MYH9: variants seen among roughly 807,000 people sequenced by gnomAD.
MYH9 encodes myosin-9.
MYH9 carries 29 observed loss-of-function variants against 241.9 expected under a neutral mutation model. That is an observed-to-expected ratio of 0.12 (90% CI 0.09 to 0.16). The LOEUF is 0.16. MYH9 is among the 10% of genes least tolerant of loss of function. The pLI, the probability that MYH9 is intolerant of heterozygous loss-of-function variation, is 1.00. For missense variants in MYH9, 1,803 were observed against 2,595.5 expected, an observed-to-expected ratio of 0.69 and a Z score of 6.63; for synonymous variants, 1,047 against 1,062.6, an observed-to-expected ratio of 0.99 and a Z score of 0.29.
At chr22:36,314,528 C>T (rs2017119552) in intron 12 of MYH9, among the ~76,000 whole-genome samples, 1 of 152,168 alleles carries the variant, frequency 6.6e-6, no homozygotes, top group Non-Finnish European at 1.5e-5. Context: ...TGACCGCGGG[C>T]AGTCTGGTAA....
chr22:36,376,234 T>C (rs2018165174), intron 1 of MYH9, among the ~76,000 whole-genome samples: 1 of 152,166 alleles, frequency 6.6e-6, no homozygotes, highest in African/African-American at 2.4e-5. Flanking sequence ...ATGCTGGGAT[T>C]ACAGGCGTGA....
In MYH9 at chr22:36,319,533, G is replaced by A. The variant is rs757663815; in HGVS notation, c.1108+7C>T. The A allele has an allele frequency of 8.7e-6, 14 of 1,613,832 alleles. No individual in the cohort carries two copies. The East Asian group carries it at 2.9e-4, about 33-fold the overall frequency. The stretch of plus-strand genomic sequence containing the variant: ...CATTATTTCCAGCGAGAGGCCCCGG[G>A]TGTTACCTGTGTTGTCGGGCATGGA... On this transcript the variant is annotated splice_region_variant and intron_variant, in intron 10 of 40. Coordinates refer to ENST00000216181, the MANE Select transcript of MYH9 (RefSeq NM_002473.6).
Position 36,298,951 on chromosome 22 carries a change from T to C in MYH9, c.3068A>G (p.Asn1023Ser), listed in dbSNP as rs762311512. The change falls in exon 24 of 41, where the codon AAC becomes AGC. Residue 1023 changes from asparagine (N) to serine (S), a missense_variant. Asn to Ser is a conservative substitution (Grantham distance 46, BLOSUM62 1). This residue lies in a region of MYH9 where 290 missense variants were observed against 360.5 expected (regional missense o/e 0.80). Transcript: ENST00000216181. ...GTCAGTGATCATTGCCTCATGCTTGTTCTTGAGCTTGGCGAGGCTCTTAGA... is the reference window on the plus strand; with the variant it reads ...GTCAGTGATCATTGCCTCATGCTTGCTCTTGAGCTTGGCGAGGCTCTTAGA... ...EKSKSLAKLK[N>S]KHEAMITDLE... The C allele has an allele frequency of 3.7e-6, 6 of 1,614,000 alleles. No homozygotes were observed. In the East Asian group the frequency reaches 8.9e-5, roughly 24 times the overall value.
intron 1 of MYH9, among the ~76,000 whole-genome samples, chr22:36,354,970 C>CACACACACACAT (rs1311833278): frequency 1.3e-5 from 2 of 150,274 alleles, no homozygotes; most frequent in African/African-American, 2.4e-5. Context: ...CACACACACA[C>CACACACACACAT]ACACACACAC....
intron 27 of MYH9, 140 bp downstream of exon 27, chr22:36,294,792 G>A: frequency 1.8e-6 from 2 of 1,095,500 alleles, no homozygotes; most frequent in Middle Eastern, 3.0e-4. Context: ...GAGTCACAAA[G>A]CCCCTTAGAA....
At chr22:36,344,843 C>T (rs963168837) in intron 2 of MYH9, among the ~76,000 whole-genome samples, 1 of 152,212 alleles carries the variant, frequency 6.6e-6, no homozygotes, top group African/African-American at 2.4e-5. Flanking sequence ...GGCTCAGGTG[C>T]TCCACTTGTT....
Position 36,306,671 on chromosome 22 carries a change from G to A in MYH9, c.1844-64C>T, listed in dbSNP as rs1371835519. 2.0e-5 allele frequency: 29 copies of A among 1,483,634 alleles called. No homozygotes were observed. The highest frequency in any genetic ancestry group is 7.0e-5 in the South Asian group (6 of 86,048). 91.9% of individuals were successfully genotyped at this position (1,483,634 alleles called of 1,614,324 possible). A position where few individuals can be genotyped will look rare whatever the true frequency, so the allele number is the denominator to read the frequency against. ...TTGCAGCTGGGTGGTGGGGGAGCAC[G>A]TAGGAGAGAGAGACAGGCACACGTC... On this transcript the variant is annotated intron_variant, in intron 15 of 40. Coordinates refer to ENST00000216181, the MANE Select transcript of MYH9 (RefSeq NM_002473.6). The surrounding 1 kb of genome is among the most constrained non-coding windows in gnomAD (Gnocchi z 4.1).
Position 36,305,790 on chromosome 22 carries a change from G to A in MYH9, c.2159+140C>T, listed in dbSNP as rs2016958772. The A allele has an allele frequency of 9.0e-6, 11 of 1,228,870 alleles. No homozygotes were observed. Among genetic ancestry groups the A allele is most frequent in the Non-Finnish European group, 1.3e-5 (11 of 845,458 alleles). 76.1% of individuals were successfully genotyped at this position (1,228,870 alleles called of 1,614,324 possible). ...GGAAAAGAGAAGGAGGTGGGGAAGAGCTGGCCAGACTCAGTTCTACATGGA... is the reference window on the plus strand; with the variant it reads ...GGAAAAGAGAAGGAGGTGGGGAAGAACTGGCCAGACTCAGTTCTACATGGA... On this transcript the variant is annotated intron_variant, in intron 17 of 40. Transcript: ENST00000216181. The surrounding 1 kb of genome is among the most constrained non-coding windows in gnomAD (Gnocchi z 4.7).
intron 12 of MYH9, among the ~76,000 whole-genome samples, chr22:36,316,237 TTGGTCAGGC>T (rs2017148862): frequency 6.6e-6 from 1 of 151,562 alleles, no homozygotes; most frequent in African/African-American, 2.4e-5. Context: ...TTTCTCCATG[TTGGTCAGGC>T]TGGTCTCAAA....
intron 13 of MYH9, among the ~76,000 whole-genome samples, chr22:36,313,922 C>T (rs902466724): frequency 5.9e-5 from 9 of 152,204 alleles, no homozygotes; most frequent in Non-Finnish European, 7.3e-5. Flanking sequence ...CTGGGAAAAG[C>T]CCAGCCCACA....
chr22:36,299,687 A>C lies in MYH9; in HGVS notation c.2976+440T>G, dbSNP rs921543845. Among the ~76,000 whole-genome samples the C allele has an allele frequency of 7.9e-5, 12 of 152,254 alleles. No homozygotes were observed. The South Asian group carries it at 1.9e-3, about 24-fold the overall frequency. The stretch of plus-strand genomic sequence containing the variant: ...TCCTCTAACTGGTTCCCCGGCTGCT[A>C]TCTGCTCCCTGGGCAGACACCGACA... On this transcript the variant is annotated intron_variant, in intron 23 of 40. Transcript: ENST00000216181.
Position 36,304,148 on chromosome 22 carries a change from G to A in MYH9, c.2237C>T (p.Ala746Val), listed in dbSNP as rs1472400866. 1 of 1,613,342 alleles carries A rather than the reference G, an allele frequency of 6.2e-7. No individual in the cohort carries two copies. Among genetic ancestry groups the A allele is most frequent in the Non-Finnish European group, 8.5e-7 (1 of 1,180,004 alleles). ...GTACAGATTGCTGTCGAGCTCCAGG[G>A]CTTTTATCTAGGTGGGAGGAGCAGG... ...GKQACVLMIK[A>V]LELDSNLYRI... The change falls in exon 19 of 41, where the codon GCC (alanine) becomes GTC (valine). Residue 746 changes from alanine (A) to valine (V), a missense_variant. Ala to Val is a moderately conservative substitution (Grantham distance 64). Around this residue, in one of 11 missense-constraint regions of MYH9, gnomAD observed 163 missense variants for 349.7 expected, o/e 0.47. Coordinates refer to ENST00000216181, the MANE Select transcript of MYH9 (RefSeq NM_002473.6).
At chr22:36,332,830 T>G (rs939292396) in intron 3 of MYH9, among the ~76,000 whole-genome samples, 2 of 152,030 alleles carry the variant, frequency 1.3e-5, no homozygotes, top group African/African-American at 4.8e-5. Flanking sequence ...GCACTGCTGT[T>G]TCTGTGGGTG....
At chr22:36,319,466 A>G in intron 10 of MYH9, 74 bp downstream of exon 10, 1 of 1,403,168 alleles carries the variant, frequency 7.1e-7, no homozygotes. Flanking sequence ...AATTTCCGCA[A>G]GACCTTCCCT....
intron 1 of MYH9, among the ~76,000 whole-genome samples, chr22:36,377,828 G>A (rs185259004): frequency 2.7e-4 from 41 of 152,146 alleles, no homozygotes; most frequent in African/African-American, 6.7e-4. Flanking sequence ...GAAGAATGGC[G>A]TGAACCCGAG....
At chr22:36,309,201 G>A (rs763075683) in intron 15 of MYH9, 81 bp downstream of exon 15, 26 of 1,200,048 alleles carry the variant, frequency 2.2e-5, no homozygotes, top group Non-Finnish European at 3.1e-5. Context: ...CCCCTTGTTT[G>A]GCAGCTCGGC....
At chr22:36,362,097 C>A (rs1466523702) in intron 1 of MYH9, among the ~76,000 whole-genome samples, 1 of 151,912 alleles carries the variant, frequency 6.6e-6, no homozygotes, top group African/African-American at 2.4e-5. Context: ...AATCATCCTC[C>A]CTTACCTGCA....
chr22:36,316,157 C>A (rs1288146175), intron 12 of MYH9, among the ~76,000 whole-genome samples: 1 of 151,292 alleles, frequency 6.6e-6, no homozygotes, highest in Non-Finnish European at 1.5e-5. Context: ...CCTGCCTCAG[C>A]CTCCTGAGTA....
intron 1 of MYH9, among the ~76,000 whole-genome samples, chr22:36,369,934 T>C (rs779349802): frequency 2.6e-5 from 4 of 152,326 alleles, no homozygotes; most frequent in South Asian, 2.1e-4. Context: ...CTTCATGGGA[T>C]TGAGAGACTT....
Sources: allele counts gnomAD v4.1 joint callset (sites outside exome capture counted in the v4.1 genomes callset), GRCh38; gene constraint gnomAD v4.1.1; regional missense constraint gnomAD v4.1.1; non-coding constraint Gnocchi (gnomAD v3.1); transcripts MANE v1.5; gene names NCBI Gene and HGNC (gene_info 2026-07-23, HGNC 2026-07-21).